The following HS3ST5 variants were observed in gnomAD, a reference collection of about 807,000 sequenced individuals.
HS3ST5 encodes the protein heparan sulfate glucosamine 3-O-sulfotransferase 5.
In HS3ST5, 10 loss-of-function variants were observed where a neutral mutation model predicts 25.4. That is an observed-to-expected ratio of 0.39 (90% confidence interval 0.24 to 0.67). HS3ST5 has a LOEUF of 0.67. Ranked by LOEUF, HS3ST5 falls within the 30% of genes least tolerant of loss-of-function variation. The pLI is 0.44. For synonymous variants in HS3ST5, 170 were observed against 162.4 expected (o/e 1.05, Z -0.36); for missense variants, 324 against 420.7 (o/e 0.77, Z 2.01).
intron 2 of HS3ST5, among the ~76,000 whole-genome samples, chr6:114,196,654 CA>C (rs1231145859): frequency 0.017 from 1,341 of 79,138 alleles, 8 homozygotes; most frequent in African/African-American, 0.049. Context: ...TGGAGCTCCA[CA>C]AAAAAAAAAA....
intron 3 of HS3ST5, among the ~76,000 whole-genome samples, chr6:114,166,376 A>C (rs1314431116): frequency 6.6e-6 from 1 of 152,214 alleles, no homozygotes; most frequent in African/African-American, 2.4e-5. Context: ...TTTGCAAGTG[A>C]CAAGAACAAG....
intron 2 of HS3ST5, among the ~76,000 whole-genome samples, chr6:114,193,881 G>T (rs1362856984): frequency 6.6e-6 from 1 of 152,084 alleles, no homozygotes; most frequent in Non-Finnish European, 1.5e-5. Context: ...ATTCCTGGGG[G>T]CAGCTTCCAA....
At chr6:114,196,221 A>G (rs886589052) in intron 2 of HS3ST5, among the ~76,000 whole-genome samples, 11 of 152,158 alleles carry the variant, frequency 7.2e-5, no homozygotes, top group African/African-American at 2.7e-4. Context: ...CTTCACAATG[A>G]GACACTGCTA....
chr6:114,301,818 A>G (rs1416793263), intron 1 of HS3ST5, among the ~76,000 whole-genome samples: 5 of 152,134 alleles, frequency 3.3e-5, no homozygotes, highest in Non-Finnish European at 7.4e-5. Flanking sequence ...ACAGCCTGCC[A>G]CATGCCACCA....
At chr6:114,076,562 G>A (rs1367313940) in intron 3 of HS3ST5, among the ~76,000 whole-genome samples, 1 of 152,154 alleles carries the variant, frequency 6.6e-6, no homozygotes, top group African/African-American at 2.4e-5. Context: ...TCTTAGAAAA[G>A]ATACCGATCT....
chr6:114,116,402 T>C (rs1279614830), intron 3 of HS3ST5, among the ~76,000 whole-genome samples: 1 of 152,148 alleles, frequency 6.6e-6, no homozygotes, highest in Non-Finnish European at 1.5e-5. Context: ...GCCTAGGTTA[T>C]GGGCTAAATG....
chr6:114,187,842 C>A (rs1174753811), intron 2 of HS3ST5, among the ~76,000 whole-genome samples: 1 of 152,078 alleles, frequency 6.6e-6, no homozygotes, highest in East Asian at 1.9e-4. Flanking sequence ...CCACAGCCAC[C>A]CAACCTTCAG....
chr6:114,086,710 C>G (rs777898949), intron 3 of HS3ST5, among the ~76,000 whole-genome samples: 5 of 152,188 alleles, frequency 3.3e-5, no homozygotes, highest in Non-Finnish European at 5.9e-5. Context: ...TCCCTATCAC[C>G]TGTAGCTTTA....
chr6:114,316,559 C>T (rs952388346), intron 1 of HS3ST5, among the ~76,000 whole-genome samples: 4 of 151,772 alleles, frequency 2.6e-5, no homozygotes, highest in Non-Finnish European at 4.4e-5. Flanking sequence ...TCCAGATATA[C>T]GCAAAAGTGT....
intron 3 of HS3ST5, among the ~76,000 whole-genome samples, chr6:114,133,261 C>T (rs1284356520): frequency 1.3e-5 from 2 of 152,170 alleles, no homozygotes; most frequent in Non-Finnish European, 2.9e-5. Context: ...CTTTGAACTT[C>T]CCAAAGACCT....
At chr6:114,269,633 G>A (rs539791046) in intron 1 of HS3ST5, among the ~76,000 whole-genome samples, 1 of 152,138 alleles carries the variant, frequency 6.6e-6, no homozygotes, top group African/African-American at 2.4e-5. Flanking sequence ...ATTGAAGCAA[G>A]GGTAGAAACC....
At chr6:114,155,017 G>A (rs1191123582) in intron 3 of HS3ST5, among the ~76,000 whole-genome samples, 1 of 152,110 alleles carries the variant, frequency 6.6e-6, no homozygotes, top group African/African-American at 2.4e-5. Flanking sequence ...GCTCTGGGAG[G>A]GCAGGCCATG....
intron 3 of HS3ST5, among the ~76,000 whole-genome samples, chr6:114,136,771 C>T (rs1414607759): frequency 6.6e-6 from 1 of 152,170 alleles, no homozygotes; most frequent in Non-Finnish European, 1.5e-5. Flanking sequence ...GTGGAATATT[C>T]ATTCATTTGC....
intron 2 of HS3ST5, among the ~76,000 whole-genome samples, chr6:114,224,163 T>C (rs1452074291): frequency 6.6e-6 from 1 of 151,692 alleles, no homozygotes; most frequent in Non-Finnish European, 1.5e-5. Context: ...ATCCTTTCAT[T>C]TTCAAAGTTT....
At chr6:114,161,961 A>G (rs1278007546) in intron 3 of HS3ST5, among the ~76,000 whole-genome samples, 2 of 152,092 alleles carry the variant, frequency 1.3e-5, no homozygotes, top group African/African-American at 2.4e-5. Flanking sequence ...TAAAAAGCCA[A>G]TTTGGTAGAA....
rs1426062651 is a variant in HS3ST5, at chr6:114,055,847, T to A, written c.*1410A>T. 3 of 152,220 alleles carry A rather than the reference T, an allele frequency of 2.0e-5. No individual in the cohort carries two copies. The highest frequency in any genetic ancestry group is 4.4e-5 in the Non-Finnish European group (3 of 68,042). The allele number at this position is 152,220 out of a possible 1,614,324, so 9.4% of individuals were successfully genotyped here. A position where few individuals can be genotyped will look rare whatever the true frequency, so the allele number is the denominator to read the frequency against. ...CGTTGTTAATACCCCTTTCCACATTTTACTGAATATATTTAAGCATAATAC... is the reference window on the plus strand; with the variant it reads ...CGTTGTTAATACCCCTTTCCACATTATACTGAATATATTTAAGCATAATAC... On this transcript the variant is annotated 3_prime_UTR_variant, in exon 5 of 5. Transcript: ENST00000312719.
At chr6:114,080,444 C>T (rs1201469689) in intron 3 of HS3ST5, among the ~76,000 whole-genome samples, 1 of 152,070 alleles carries the variant, frequency 6.6e-6, no homozygotes, top group African/African-American at 2.4e-5. Flanking sequence ...AGTACATATC[C>T]AAAAGAAATT....
intron 3 of HS3ST5, among the ~76,000 whole-genome samples, chr6:114,104,081 A>T (rs1358069835): frequency 6.6e-6 from 1 of 151,736 alleles, no homozygotes; most frequent in Non-Finnish European, 1.5e-5. Flanking sequence ...AGGGAGGGGG[A>T]GTGCTAGACT....
intron 2 of HS3ST5, among the ~76,000 whole-genome samples, chr6:114,177,283 T>C (rs1245854742): frequency 6.6e-6 from 1 of 152,232 alleles, no homozygotes; most frequent in East Asian, 1.9e-4. Context: ...AAACATACAT[T>C]ACGATAGCCA....
Sources: gnomAD v4.1 joint callset for allele counts (sites outside exome capture counted in the v4.1 genomes callset) on GRCh38, gnomAD v4.1.1 for gene constraint, MANE v1.5 for transcripts, NCBI Gene and HGNC (gene_info 2026-07-23, HGNC 2026-07-21) for gene names.